TRAF3IP3: variants seen among roughly 807,000 people sequenced by gnomAD.
TRAF3IP3 encodes the protein TRAF3 interacting protein 3.
In TRAF3IP3, 64 loss-of-function variants were observed where a neutral mutation model predicts 86.5. That is an observed-to-expected ratio of 0.74 (90% CI 0.60 to 0.91). TRAF3IP3 has a LOEUF of 0.91. Among genes scored for constraint, TRAF3IP3 ranks in the 40% least tolerant of loss-of-function variants. TRAF3IP3 has a pLI of 0.00. For missense variants in TRAF3IP3, 579 were observed against 642.9 expected, an observed-to-expected ratio of 0.90 and a Z score of 1.07; for synonymous variants, 220 against 243.9, an observed-to-expected ratio of 0.90 and a Z score of 0.91.
intron 3 of TRAF3IP3, 81 bp downstream of exon 3, chr1:209,760,465 A>G: frequency 8.3e-7 from 1 of 1,206,980 alleles, no homozygotes; most frequent in East Asian, 2.6e-5. Context: ...CAAGGTCACT[A>G]AAAAGTGACC....
intron 3 of TRAF3IP3, among the ~76,000 whole-genome samples, 187 bp downstream of exon 3, chr1:209,760,571 T>C (rs1226860342): frequency 6.6e-6 from 1 of 152,258 alleles, no homozygotes; most frequent in African/African-American, 2.4e-5. Flanking sequence ...ATTTTTGCTG[T>C]TGTGTTTTCG....
intron 6 of TRAF3IP3, 25 bp downstream of exon 6, chr1:209,763,117 G>T (rs1415116943): frequency 6.2e-7 from 1 of 1,609,824 alleles, no homozygotes; most frequent in African/African-American, 1.3e-5. Flanking sequence ...ACTTTGAAGG[G>T]GTCAAATCAG....
chr1:209,776,646 C>A (rs1279147121), intron 11 of TRAF3IP3: 3 of 99,566 alleles, frequency 3.0e-5, no homozygotes, highest in South Asian at 6.1e-4. Context: ...AAAAAAAAGA[C>A]CCTAACCAAA....
Position 209,777,462 on chromosome 1 carries a change from C to G in TRAF3IP3, c.1164C>G (p.Cys388Trp). ...IECLQGDRDL[C>W]SLDTQDLQDQ... ...GCCTGCAAGGGGACAGAGACCTGTG[C>G]AGCTTGGATACCCAGGACCTACAAG... Residue 388 changes from cysteine (C) to tryptophan (W), a missense_variant, in exon 12 of 17, where the codon TGC (cysteine) becomes TGG (tryptophan). By Grantham distance (215) the Cys-to-Trp change is radical. Transcript: ENST00000367025. 6.8e-6 allele frequency: 11 copies of G among 1,613,878 alleles called. No homozygotes were observed. The highest frequency in any genetic ancestry group is 9.3e-6 in the Non-Finnish European group (11 of 1,179,876).
At chr1:209,776,772 C>T (rs1479474256) in intron 11 of TRAF3IP3, 2 of 152,210 alleles carry the variant, frequency 1.3e-5, no homozygotes, top group African/African-American at 4.8e-5. Context: ...ATGACTCCCA[C>T]ACCAATGACA....
chr1:209,779,736 T>G (rs1418764014), intron 14 of TRAF3IP3: 1 of 566,692 alleles, frequency 1.8e-6, no homozygotes, highest in African/African-American at 1.9e-5. Flanking sequence ...CAGTCCAGAG[T>G]CAACTCACTG....
chr1:209,777,290 G>T, intron 11 of TRAF3IP3, 62 bp from the exon 12 acceptor site: 1 of 1,433,720 alleles, frequency 7.0e-7, no homozygotes, highest in Non-Finnish European at 9.4e-7. Context: ...CATGGTACCC[G>T]CCCCCCAACC....
Position 209,775,506 on chromosome 1 carries a change from T to C in TRAF3IP3, c.915+17T>C, listed in dbSNP as rs771970178. ...AGCACACAGGTATGGGGATGCCACA[T>C]AGACATGGGGCTGGGGACTCCAGGC... is the stretch of plus-strand genomic sequence containing the variant. On this transcript the variant is annotated intron_variant, in intron 10 of 16. Transcript: ENST00000367025. 3 of 1,614,006 alleles carry C rather than the reference T, an allele frequency of 1.9e-6. No homozygotes were observed. The highest frequency in any genetic ancestry group is 2.7e-5 in the African/African-American group (2 of 74,904).
chr1:209,762,639 A>G lies in TRAF3IP3; in HGVS notation c.470A>G (p.Lys157Arg), dbSNP rs761311155. 25 of 1,415,808 alleles carry G rather than the reference A, an allele frequency of 1.8e-5. No individual in the cohort carries two copies. Among genetic ancestry groups the G allele is most frequent in the Non-Finnish European group, 2.2e-5 (24 of 1,091,864 alleles). The allele number at this position is 1,415,808 out of a possible 1,614,324, so 87.7% of individuals were successfully genotyped here. A position where few individuals can be genotyped will look rare whatever the true frequency, so the allele number is the denominator to read the frequency against. Reference sequence around the variant, plus strand: ...CTTCCTCCACAGGACACTCCCATCAAGAAGCCACCCAAACACCACCGTGGT... The same window carrying G: ...CTTCCTCCACAGGACACTCCCATCAGGAAGCCACCCAAACACCACCGTGGT... ...GGLPPQDTPIKKPPKHHRGTQ... is the reference protein window; with the variant it reads ...GGLPPQDTPIRKPPKHHRGTQ... Residue 157 changes from lysine to arginine, a missense_variant, in exon 4 of 17, where the codon AAG becomes AGG. Physicochemically the swap from Lys to Arg is conservative, Grantham distance 26. Transcript: ENST00000367025.
At chr1:209,765,177 A>AGGAGAG (rs2077319368) in intron 8 of TRAF3IP3, among the ~76,000 whole-genome samples, 1 of 87,620 alleles carries the variant, frequency 1.1e-5, no homozygotes, top group Non-Finnish European at 2.1e-5. Flanking sequence ...TCTGAGAGAC[A>AGGAGAG]GGAGAGAGAG....
intron 13 of TRAF3IP3, chr1:209,778,703 C>G (rs1189143296): frequency 6.5e-6 from 1 of 154,194 alleles, no homozygotes; most frequent in Non-Finnish European, 1.4e-5. Context: ...GATAGAGAAG[C>G]TTCATGAAAG....
intron 2 of TRAF3IP3, among the ~76,000 whole-genome samples, chr1:209,759,417 G>A (rs2077206455): frequency 6.6e-6 from 1 of 152,158 alleles, no homozygotes; most frequent in African/African-American, 2.4e-5. Flanking sequence ...AGAGAGCAGT[G>A]GGTGCTGGTC....
intron 16 of TRAF3IP3, 29 bp from the exon 17 acceptor site, chr1:209,782,027 C>G: frequency 6.3e-7 from 1 of 1,594,206 alleles, no homozygotes; most frequent in Non-Finnish European, 8.6e-7. Flanking sequence ...CTCATGGCCA[C>G]TTTCTTCTGT....
chr1:209,759,880 G>A, intron 2 of TRAF3IP3, 102 bp from the exon 3 acceptor site: 2 of 627,296 alleles, frequency 3.2e-6, no homozygotes, highest in East Asian at 5.5e-5. Context: ...AACCCACATG[G>A]ATGGAACTCT....
At chr1:209,780,237 ACAAAGAAAAGATCC>A in intron 14 of TRAF3IP3, 1 of 326,678 alleles carries the variant, frequency 3.1e-6, no homozygotes, top group Non-Finnish European at 5.5e-6. Flanking sequence ...GACTGGGGAT[ACAAAGAAAAGATCC>A]CAATCTTGCC....
intron 12 of TRAF3IP3, 25 bp downstream of exon 12, chr1:209,777,512 A>G (rs199507314): frequency 1.0e-5 from 16 of 1,571,290 alleles, no homozygotes; most frequent in Middle Eastern, 1.7e-4. Flanking sequence ...GGAGGCCTTG[A>G]GTGCATGGCA....
At chr1:209,779,148 T>C in intron 13 of TRAF3IP3, 167 bp from the exon 14 acceptor site, 1 of 609,014 alleles carries the variant, frequency 1.6e-6, no homozygotes, top group Non-Finnish European at 2.9e-6. Context: ...GGTCATTATT[T>C]AAGGTACTGA....
intron 8 of TRAF3IP3, among the ~76,000 whole-genome samples, chr1:209,770,851 G>C (rs556049260): frequency 4.4e-5 from 6 of 137,008 alleles, no homozygotes; most frequent in African/African-American, 1.6e-4. Context: ...GTGTGTGTGT[G>C]CATGTGAAAG....
rs763963385 is a variant in TRAF3IP3 at position 209,760,048 on chromosome 1, C to T, written c.9C>T (p.Ser3=). MI[S]PDPRPSPGLA... The stretch of plus-strand genomic sequence containing the variant: ...GGTGCTTGGAGGTCATCATGATCAG[C>T]CCAGACCCCAGGCCCTCCCCTGGCT... The change falls in exon 3 of 17, where the codon AGC becomes AGT. Residue 3 remains serine, a synonymous_variant. Coordinates refer to ENST00000367025, the MANE Select transcript of TRAF3IP3 (RefSeq NM_025228.4). The T allele has an allele frequency of 1.1e-5, 17 of 1,613,104 alleles. No homozygotes were observed. In the Admixed American group the frequency reaches 1.3e-4, roughly 13 times the overall value.
Sources: allele counts gnomAD v4.1 joint callset (sites outside exome capture counted in the v4.1 genomes callset), GRCh38; gene constraint gnomAD v4.1.1; transcripts MANE v1.5; gene names NCBI Gene and HGNC (gene_info 2026-07-23, HGNC 2026-07-21).